CACNA2D2: variants seen among roughly 807,000 people sequenced by gnomAD.
The protein encoded by CACNA2D2 is calcium voltage-gated channel auxiliary subunit alpha2delta 2, also known as voltage-dependent calcium channel subunit alpha-2/delta-2.
Under a neutral mutation model 166.4 loss-of-function variants are expected in CACNA2D2, and 48 were observed. The observed-to-expected ratio is 0.29, with a 90% CI of 0.23 to 0.37. The LOEUF is 0.37. CACNA2D2 is among the 10% of genes least tolerant of loss of function. CACNA2D2 has a pLI of 1.00. For synonymous variants in CACNA2D2, 561 were observed against 573.7 expected, an observed-to-expected ratio of 0.98 and a Z score of 0.32; for missense variants, 1,122 against 1,433.0, an observed-to-expected ratio of 0.78 and a Z score of 3.50.
At chr3:50,407,556 C>A (rs1475564806) in intron 3 of CACNA2D2, among the ~76,000 whole-genome samples, 1 of 152,186 alleles carries the variant, frequency 6.6e-6, no homozygotes, top group African/African-American at 2.4e-5. Context: ...ACTGGGCAGA[C>A]AGTGACCAGC....
intron 1 of CACNA2D2, among the ~76,000 whole-genome samples, chr3:50,487,090 A>C (rs1698318958): frequency 6.6e-6 from 1 of 151,970 alleles, no homozygotes; most frequent in Non-Finnish European, 1.5e-5. Context: ...GGCCTGTGGA[A>C]ATGGTGCAAC....
In CACNA2D2 at chr3:50,476,218, G is replaced by A. The variant is rs1454353226; in HGVS notation, c.207-19C>T. On this transcript the variant is annotated intron_variant, in intron 1 of 37. Coordinates refer to ENST00000424201, the MANE Select transcript of CACNA2D2 (RefSeq NM_006030.4). Reference sequence around the variant, plus strand: ...CTGCATCCTGTATGCAGAGAGAGGAGAGAGGTGTCAGGAGGGCCTGCCCAG... The same window carrying A: ...CTGCATCCTGTATGCAGAGAGAGGAAAGAGGTGTCAGGAGGGCCTGCCCAG... The A allele has an allele frequency of 1.3e-5, 20 of 1,569,738 alleles. No individual in the cohort carries two copies. Among genetic ancestry groups the A allele is most frequent in the Non-Finnish European group, 1.6e-5 (18 of 1,158,546 alleles).
At position 50,365,416 on chromosome 3, in the gene CACNA2D2, T is replaced by A. The variant is rs1200471747; in HGVS notation, c.3038A>T (p.Tyr1013Phe). The A allele has an allele frequency of 1.2e-6, 2 of 1,613,622 alleles. No homozygotes were observed. The highest frequency in any genetic ancestry group is 3.3e-4 in the Middle Eastern group (2 of 6,062). ...ESSCVMKQTQ[Y>F]YFGSVNASYN... ...GGAGGCGTTTACCGAGCCGAAGTAG[T>A]ACTGGGTCTGTTTCATGACGCAGCT... The change falls in exon 35 of 38, where the codon TAC becomes TTC. Residue 1013 changes from tyrosine to phenylalanine, a missense_variant. Around this residue, in one of 2 missense-constraint regions of CACNA2D2, gnomAD observed 282 missense variants for 266.2 expected, o/e 1.06. Coordinates refer to ENST00000424201, the MANE Select transcript of CACNA2D2 (RefSeq NM_006030.4). This position sits in a 1 kb window ranked among gnomAD's most constrained non-coding sequence, Gnocchi z 4.5.
intron 3 of CACNA2D2, among the ~76,000 whole-genome samples, chr3:50,396,076 G>A (rs963542279): frequency 6.6e-6 from 1 of 152,018 alleles, no homozygotes; most frequent in Non-Finnish European, 1.5e-5. Flanking sequence ...TAGGGTTTTG[G>A]GGGCCCCAGG....
At chr3:50,408,013 C>T (rs1575641444) in intron 3 of CACNA2D2, among the ~76,000 whole-genome samples, 1 of 152,286 alleles carries the variant, frequency 6.6e-6, no homozygotes, top group South Asian at 2.1e-4. Flanking sequence ...CCAGCCTCTT[C>T]CACAGGACCT....
chr3:50,434,229 T>C, intron 3 of CACNA2D2, 84 bp downstream of exon 3: 1 of 939,388 alleles, frequency 1.1e-6, no homozygotes, highest in East Asian at 2.4e-5. Flanking sequence ...TGATGAAGGC[T>C]CAGGACACTG....
chr3:50,395,418 T>C (rs778122339), intron 3 of CACNA2D2, among the ~76,000 whole-genome samples: 27 of 152,160 alleles, frequency 1.8e-4, no homozygotes, highest in Admixed American at 2.6e-4. Flanking sequence ...GACCAGCCTC[T>C]GTTGGGCCCA....
intron 3 of CACNA2D2, among the ~76,000 whole-genome samples, chr3:50,415,144 G>C (rs748721524): frequency 6.6e-6 from 1 of 152,280 alleles, no homozygotes; most frequent in South Asian, 2.1e-4. Context: ...GGACACTGAC[G>C]GCCAATGAAA....
At chr3:50,370,192 T>G in intron 23 of CACNA2D2, 128 bp downstream of exon 23, 13 of 675,472 alleles carry the variant, frequency 1.9e-5, no homozygotes, top group East Asian at 5.8e-5. Flanking sequence ...TACCGGGCGA[T>G]GTATGGGGGC....
chr3:50,410,174 C>T (rs991310679), intron 3 of CACNA2D2, among the ~76,000 whole-genome samples: 10 of 152,152 alleles, frequency 6.6e-5, no homozygotes, highest in South Asian at 2.1e-4. Flanking sequence ...CCTTTGGGGG[C>T]GGCTGTGCTT....
At chr3:50,434,529 T>A in intron 2 of CACNA2D2, 100 bp from the exon 3 acceptor site, 1 of 846,152 alleles carries the variant, frequency 1.2e-6, no homozygotes, top group Non-Finnish European at 2.0e-6. Flanking sequence ...AGCACAGTAT[T>A]CACCCGCACC....
At chr3:50,467,449 TC>T (rs1709870698) in intron 2 of CACNA2D2, among the ~76,000 whole-genome samples, 1 of 152,164 alleles carries the variant, frequency 6.6e-6, no homozygotes, top group South Asian at 2.1e-4. Context: ...CCCTTTTCAG[TC>T]CTCAGAGCAC....
chr3:50,461,662 G>A (rs1232071808), intron 2 of CACNA2D2, among the ~76,000 whole-genome samples: 1 of 151,502 alleles, frequency 6.6e-6, no homozygotes, highest in Non-Finnish European at 1.5e-5. Flanking sequence ...TCAGGAGGCT[G>A]AGGCAGGAGA....
At chr3:50,482,911 T>G (rs1045315591) in intron 1 of CACNA2D2, among the ~76,000 whole-genome samples, 1 of 152,082 alleles carries the variant, frequency 6.6e-6, no homozygotes, top group African/African-American at 2.4e-5. Flanking sequence ...CCAAGGATGA[T>G]AGGGCTGGCA....
At chr3:50,377,891 CCT>C in intron 15 of CACNA2D2, 88 bp from the exon 16 acceptor site, 1 of 1,483,386 alleles carries the variant, frequency 6.7e-7, no homozygotes, top group Admixed American at 1.7e-5. Flanking sequence ...GTGCAGGCCA[CCT>C]CTTTCTCCTG....
chr3:50,417,493 C>T (rs1308676309), intron 3 of CACNA2D2, among the ~76,000 whole-genome samples: 1 of 152,172 alleles, frequency 6.6e-6, no homozygotes, highest in Non-Finnish European at 1.5e-5. Context: ...GATGGTCCAG[C>T]GCCGTCTGCT....
intron 2 of CACNA2D2, among the ~76,000 whole-genome samples, chr3:50,443,153 T>C (rs1708681110): frequency 6.6e-6 from 1 of 152,158 alleles, no homozygotes; most frequent in African/African-American, 2.4e-5. Context: ...CGAGTAAACA[T>C]ACCCGCACTT....
chr3:50,457,075 C>A (rs1364616692), intron 2 of CACNA2D2, among the ~76,000 whole-genome samples: 3 of 152,160 alleles, frequency 2.0e-5, no homozygotes, highest in Non-Finnish European at 2.9e-5. Flanking sequence ...CATGGTGAAA[C>A]CCTGTCTCTA....
intron 1 of CACNA2D2, among the ~76,000 whole-genome samples, chr3:50,486,509 T>TC (rs1443769959): frequency 6.6e-6 from 1 of 151,320 alleles, no homozygotes; most frequent in Non-Finnish European, 1.5e-5. Flanking sequence ...CCCCTCAAGG[T>TC]CCCCCTCAGA....
Sources: gnomAD v4.1 joint callset for allele counts (sites outside exome capture counted in the v4.1 genomes callset) on GRCh38, gnomAD v4.1.1 for gene constraint, gnomAD v4.1.1 regional missense constraint, Gnocchi (gnomAD v3.1) non-coding constraint, MANE v1.5 for transcripts, NCBI Gene and HGNC (gene_info 2026-07-23, HGNC 2026-07-21) for gene names.